The following KIAA2012 variants were observed in gnomAD, a reference collection of about 807,000 sequenced individuals.
The protein encoded by KIAA2012 is KIAA2012, also known as uncharacterized protein KIAA2012.
In KIAA2012, 125 loss-of-function variants were observed where a neutral mutation model predicts 150.6. The ratio of observed to expected loss-of-function variants is 0.83; its 90% CI spans 0.72 to 0.96. KIAA2012 has a LOEUF of 0.96. Among genes scored for constraint, KIAA2012 ranks in the 40% least tolerant of loss-of-function variants. The probability of loss-of-function intolerance (pLI) is 0.00; values close to 1 mark genes in which losing one functional copy is unlikely to be tolerated. For synonymous variants in KIAA2012, 462 were observed against 504.7 expected (o/e 0.92, Z 1.13); for missense variants, 1,219 against 1,354.9 (o/e 0.90, Z 1.57).
At chr2:202,159,120 C>G (rs575422686) in intron 14 of KIAA2012, among the ~76,000 whole-genome samples, 9 of 152,246 alleles carry the variant, frequency 5.9e-5, no homozygotes, top group African/African-American at 2.2e-4. Flanking sequence ...ATGCATCCCA[C>G]GAAGCAGAAG....
At chr2:202,109,271 T>G (rs1306875784) in intron 9 of KIAA2012, among the ~76,000 whole-genome samples, 1 of 152,158 alleles carries the variant, frequency 6.6e-6, no homozygotes, top group East Asian at 1.9e-4. Flanking sequence ...ATTTCATCCG[T>G]AAGATGAGAA....
chr2:202,148,794 G>A (rs1327078301), intron 13 of KIAA2012, among the ~76,000 whole-genome samples: 2 of 152,176 alleles, frequency 1.3e-5, no homozygotes, highest in Non-Finnish European at 2.9e-5. Flanking sequence ...TGAGGACTTT[G>A]GGGGTGGCCA....
Position 202,193,313 on chromosome 2 carries a change from A to C in KIAA2012, c.2824A>C (p.Lys942Gln). The C allele has an allele frequency of 6.5e-7, 1 of 1,549,528 alleles. No individual in the cohort carries two copies. The highest frequency in any genetic ancestry group is 1.2e-5 in the South Asian group (1 of 84,006). Residue 942 changes from lysine to glutamine, a missense_variant, in exon 20 of 24, where the codon AAG (lysine) becomes CAG (glutamine). Lys to Gln is a moderately conservative substitution (Grantham distance 53). Coordinates refer to ENST00000498697, the MANE Select transcript of KIAA2012 (RefSeq NM_001277372.4). ...CEDPSKALLT[K>Q]REQEKASWDR... ...TCTGGTTTCTTAGGCCCTCCTCACT[A>C]AGAGGGAGCAGGAGAAGGCTTCCTG...
intron 23 of KIAA2012, among the ~76,000 whole-genome samples, chr2:202,202,845 T>G (rs535363943): frequency 6.6e-6 from 1 of 151,776 alleles, no homozygotes; most frequent in African/African-American, 2.4e-5. Flanking sequence ...GAGGATCACT[T>G]GAGCCTAAGA....
intron 19 of KIAA2012, among the ~76,000 whole-genome samples, chr2:202,192,519 G>T (rs1054128773): frequency 1.3e-5 from 2 of 148,448 alleles, no homozygotes; most frequent in Non-Finnish European, 1.5e-5. Flanking sequence ...GTGCAATGGC[G>T]CAATCTCGGC....
chr2:202,126,614 ATGATGGTGG>A (rs1690795283), intron 12 of KIAA2012, among the ~76,000 whole-genome samples: 1 of 97,796 alleles, frequency 1.0e-5, no homozygotes, highest in Non-Finnish European at 2.0e-5. Flanking sequence ...AAAAATGATG[ATGATGGTGG>A]TGGTGGTGGT....
chr2:202,183,542 G>A (rs1692165119), intron 15 of KIAA2012, among the ~76,000 whole-genome samples: 1 of 142,896 alleles, frequency 7.0e-6, no homozygotes, highest in Non-Finnish European at 1.5e-5. Flanking sequence ...GGTGTGCAGT[G>A]GTGCTCATTG....
At chr2:202,172,315 G>T (rs1691910618) in intron 15 of KIAA2012, among the ~76,000 whole-genome samples, 1 of 152,272 alleles carries the variant, frequency 6.6e-6, no homozygotes, top group African/African-American at 2.4e-5. Context: ...GCTGAGAGAT[G>T]AACCCAGGTT....
chr2:202,150,670 ACTG>A (rs1345354845), intron 13 of KIAA2012, among the ~76,000 whole-genome samples: 1 of 151,956 alleles, frequency 6.6e-6, no homozygotes, highest in Admixed American at 6.6e-5. Context: ...CTGGTCTTGA[ACTG>A]CTGGCCTCAA....
chr2:202,201,250 G>A lies in KIAA2012; in HGVS notation c.3408-1179G>A, dbSNP rs555363045. The A allele has an allele frequency of 1.8e-5, 28 of 1,514,692 alleles. No individual in the cohort carries two copies. In the African/African-American group the frequency reaches 3.4e-4, roughly 19 times the overall value. 93.8% of individuals were successfully genotyped at this position (1,514,692 alleles called of 1,614,324 possible). On this transcript the variant is annotated intron_variant, in intron 22 of 23. Coordinates refer to ENST00000498697, the MANE Select transcript of KIAA2012 (RefSeq NM_001277372.4). ...ATGTGAAAAGTGCCTGAAAGTTGGGGCACCAGAAAGACATCCCAACAACAT... is the reference window on the plus strand; with the variant it reads ...ATGTGAAAAGTGCCTGAAAGTTGGGACACCAGAAAGACATCCCAACAACAT...
intron 12 of KIAA2012, chr2:202,137,315 CTTT>C (rs11336637): frequency 0.3 from 37,011 of 122,134 alleles, 4,598 homozygotes; most frequent in African/African-American, 0.34. Context: ...ATTAAAGTTA[CTTT>C]TTTTTTTTTT....
chr2:202,201,462 A>T, intron 22 of KIAA2012: 1 of 1,596,118 alleles, frequency 6.3e-7, no homozygotes, highest in Non-Finnish European at 8.6e-7. Flanking sequence ...GGCTGCCTGC[A>T]TGACTGCAAG....
At chr2:202,081,543 C>CTTTTTTTTTTTTT (rs71025274) in intron 2 of KIAA2012, among the ~76,000 whole-genome samples, 1 of 112,764 alleles carries the variant, frequency 8.9e-6, no homozygotes. Flanking sequence ...TTTTTAAACA[C>CTTTTTTTTTTTTT]TTTTTTTTTT....
At chr2:202,111,030 A>G (rs1007368705) in intron 10 of KIAA2012, among the ~76,000 whole-genome samples, 1 of 151,918 alleles carries the variant, frequency 6.6e-6, no homozygotes, top group African/African-American at 2.4e-5. Context: ...TCCCCTTTAT[A>G]CTTGTGTGAC....
At chr2:202,143,757 A>G (rs575802080) in intron 13 of KIAA2012, among the ~76,000 whole-genome samples, 1 of 152,318 alleles carries the variant, frequency 6.6e-6, no homozygotes, top group East Asian at 1.9e-4. Flanking sequence ...AATATTTAAC[A>G]TTAATCAGGT....
chr2:202,129,282 C>A (rs1486515925), intron 12 of KIAA2012, among the ~76,000 whole-genome samples: 2 of 150,332 alleles, frequency 1.3e-5, no homozygotes, highest in African/African-American at 4.9e-5. Context: ...TGCAGTGGCA[C>A]AATCTTGGCT....
intron 13 of KIAA2012, among the ~76,000 whole-genome samples, chr2:202,141,801 T>C (rs1028387801): frequency 6.6e-6 from 1 of 152,136 alleles, no homozygotes; most frequent in Non-Finnish European, 1.5e-5. Context: ...GGAGAAGCTT[T>C]TCCTCTCCCC....
chr2:202,186,240 T>C (rs867142767), intron 16 of KIAA2012, among the ~76,000 whole-genome samples: 15 of 152,092 alleles, frequency 9.9e-5, no homozygotes, highest in Non-Finnish European at 5.9e-5. Flanking sequence ...TTGCCAGGCG[T>C]GGTGGCTCAT....
rs1282714718 is a variant in KIAA2012, at chr2:202,105,816, G to A, written c.1380G>A (p.Trp460Ter). The change falls in exon 9 of 24, where the codon TGG becomes TGA. Residue 460 changes from tryptophan to a stop codon, truncating the protein, a stop_gained. Coordinates refer to ENST00000498697, the MANE Select transcript of KIAA2012 (RefSeq NM_001277372.4). LOFTEE classifies it high-confidence loss of function. ...GCAGCGAAGAATCCACACCTGTGTG[G>A]AGACCTCCCCTGAAGCATGCGTCCT... is the stretch of plus-strand genomic sequence containing the variant. ...PESSEESTPV[W>*]RPPLKHASLE... The A allele has an allele frequency of 2.6e-6, 4 of 1,550,552 alleles. No individual in the cohort carries two copies. Among genetic ancestry groups the A allele is most frequent in the Non-Finnish European group, 2.6e-6 (3 of 1,147,022 alleles).
Sources: allele counts gnomAD v4.1 joint callset (sites outside exome capture counted in the v4.1 genomes callset), GRCh38; gene constraint gnomAD v4.1.1; transcripts MANE v1.5; gene names NCBI Gene and HGNC (gene_info 2026-07-23, HGNC 2026-07-21).